Variants in FAR2 observed in about 807,000 individuals in gnomAD.
FAR2 encodes the protein fatty acyl-CoA reductase 2, also known as epididymis secretory protein Li 81.
A neutral mutation model predicts 56.0 loss-of-function variants in FAR2; 19 were observed. That is an observed-to-expected ratio of 0.34 (90% CI 0.24 to 0.50). The LOEUF is 0.50. Ranked by LOEUF, FAR2 falls within the 20% of genes least tolerant of loss-of-function variation. The pLI is 0.98. For missense variants in FAR2, 508 were observed against 642.2 expected (o/e 0.79, Z 2.26); for synonymous variants, 219 against 218.8 (o/e 1.00, Z -0.01).
intron 1 of FAR2, among the ~76,000 whole-genome samples, chr12:29,164,318 C>A (rs764129379): frequency 6.6e-6 from 1 of 152,156 alleles, no homozygotes; most frequent in Non-Finnish European, 1.5e-5. Context: ...CTTTTGCCGA[C>A]GCGGCTGCTG....
At chr12:29,233,948 T>A (rs1947897070) in intron 1 of FAR2, among the ~76,000 whole-genome samples, 1 of 152,222 alleles carries the variant, frequency 6.6e-6, no homozygotes, top group Non-Finnish European at 1.5e-5. Context: ...TATGTCCCAG[T>A]TGTTGAAACT....
intron 1 of FAR2, among the ~76,000 whole-genome samples, chr12:29,224,237 A>G (rs954593198): frequency 5.3e-5 from 8 of 152,174 alleles, no homozygotes; most frequent in African/African-American, 1.9e-4. Flanking sequence ...TGAAATGCTG[A>G]ACTTTTTGGG....
intron 1 of FAR2, among the ~76,000 whole-genome samples, chr12:29,267,082 T>C (rs964958921): frequency 2.6e-4 from 40 of 152,176 alleles, no homozygotes; most frequent in Admixed American, 2.0e-3. Context: ...TACCTCAACA[T>C]TTTTAAAGAA....
chr12:29,185,474 A>T (rs143426240), intron 1 of FAR2, among the ~76,000 whole-genome samples: 267 of 152,392 alleles, frequency 1.8e-3, no homozygotes, highest in Non-Finnish European at 3.2e-3. Flanking sequence ...AATAAACTTC[A>T]TACAAACTTA....
intron 1 of FAR2, among the ~76,000 whole-genome samples, chr12:29,240,988 T>C (rs766472900): frequency 2.6e-5 from 4 of 152,144 alleles, no homozygotes; most frequent in South Asian, 2.1e-4. Flanking sequence ...GTATTTTTAG[T>C]AGAGACGGGG....
intron 1 of FAR2, among the ~76,000 whole-genome samples, chr12:29,188,585 T>C (rs946462227): frequency 6.6e-6 from 1 of 152,200 alleles, no homozygotes; most frequent in African/African-American, 2.4e-5. Flanking sequence ...TATACCATGG[T>C]ACATGAATAC....
At chr12:29,221,321 C>G (rs1046649900) in intron 1 of FAR2, among the ~76,000 whole-genome samples, 2 of 152,022 alleles carry the variant, frequency 1.3e-5, no homozygotes, top group African/African-American at 4.8e-5. Flanking sequence ...ACCACCTGAC[C>G]ATCATCTGAT....
intron 1 of FAR2, among the ~76,000 whole-genome samples, chr12:29,268,774 A>G (rs2136704306): frequency 6.6e-6 from 1 of 152,292 alleles, no homozygotes; most frequent in South Asian, 2.1e-4. Flanking sequence ...ATAAAGGGAC[A>G]GAGTACAAAA....
At chr12:29,221,087 T>C (rs1947683881) in intron 1 of FAR2, among the ~76,000 whole-genome samples, 1 of 152,026 alleles carries the variant, frequency 6.6e-6, no homozygotes, top group Non-Finnish European at 1.5e-5. Flanking sequence ...ACAACTCCAA[T>C]AACTGGTAAC....
intron 1 of FAR2, among the ~76,000 whole-genome samples, chr12:29,189,837 G>A (rs947479852): frequency 6.6e-6 from 1 of 152,172 alleles, no homozygotes; most frequent in African/African-American, 2.4e-5. Flanking sequence ...GACCAGTTTA[G>A]GCTGTTGTCA....
intron 1 of FAR2, among the ~76,000 whole-genome samples, chr12:29,190,729 C>G (rs1205430900): frequency 1.3e-5 from 2 of 151,990 alleles, no homozygotes; most frequent in East Asian, 3.9e-4. Context: ...TCCCAAAGTG[C>G]TGGGATTACA....
chr12:29,263,823 C>T (rs1042278526), intron 1 of FAR2, among the ~76,000 whole-genome samples: 1 of 151,810 alleles, frequency 6.6e-6, no homozygotes, highest in Non-Finnish European at 1.5e-5. Context: ...TAAAAACTCT[C>T]CCAGCAAAGA....
chr12:29,286,154 TAGAA>T (rs1191402135), intron 2 of FAR2, among the ~76,000 whole-genome samples: 2 of 152,040 alleles, frequency 1.3e-5, no homozygotes, highest in Admixed American at 6.6e-5. Context: ...GCTGTGGAAG[TAGAA>T]AGGGAATTTT....
intron 1 of FAR2, among the ~76,000 whole-genome samples, chr12:29,174,848 G>A (rs548016038): frequency 3.8e-4 from 58 of 152,288 alleles, no homozygotes; most frequent in Admixed American, 3.7e-3. Flanking sequence ...TCACTTGGGC[G>A]ATGTGACTTT....
At chr12:29,230,599 AAC>A (rs1173743237) in intron 1 of FAR2, among the ~76,000 whole-genome samples, 3 of 152,036 alleles carry the variant, frequency 2.0e-5, no homozygotes, top group Non-Finnish European at 2.9e-5. Context: ...GGCAGCAAGA[AAC>A]ACTTAGAGGC....
At chr12:29,273,675 T>C (rs2136711788) in intron 2 of FAR2, among the ~76,000 whole-genome samples, 1 of 152,330 alleles carries the variant, frequency 6.6e-6, no homozygotes, top group South Asian at 2.1e-4. Context: ...CCAGGGCTCG[T>C]CGCCCCTCTG....
At chr12:29,295,802 C>T (rs1345192545) in intron 3 of FAR2, among the ~76,000 whole-genome samples, 1 of 132,698 alleles carries the variant, frequency 7.5e-6, no homozygotes, top group African/African-American at 2.9e-5. Context: ...CGCTCTGTCG[C>T]CCAGGCCGGA....
At chr12:29,268,542 G>A (rs546139743) in intron 1 of FAR2, among the ~76,000 whole-genome samples, 35 of 152,234 alleles carry the variant, frequency 2.3e-4, no homozygotes, top group African/African-American at 7.2e-4. Context: ...GCTATTTCAG[G>A]GCACACCAAA....
intron 1 of FAR2, among the ~76,000 whole-genome samples, chr12:29,191,551 A>C (rs571266655): frequency 6.6e-6 from 1 of 152,262 alleles, no homozygotes; most frequent in South Asian, 2.1e-4. Context: ...CACTAAAAAC[A>C]AATGCAACAT....
Sources: allele counts gnomAD v4.1 joint callset (sites outside exome capture counted in the v4.1 genomes callset), GRCh38; gene constraint gnomAD v4.1.1; transcripts MANE v1.5; gene names NCBI Gene and HGNC (gene_info 2026-07-23, HGNC 2026-07-21).